Variants in PDGFD observed in about 807,000 individuals in gnomAD.
PDGFD encodes the protein platelet derived growth factor D.
In PDGFD, 30 loss-of-function variants were observed where a neutral mutation model predicts 44.7. That is an observed-to-expected ratio of 0.67 (90% confidence interval 0.50 to 0.91). The LOEUF (loss-of-function observed/expected upper bound fraction) is 0.91, where lower values mean the gene tolerates loss of function less well. PDGFD is among the 40% of genes least tolerant of loss of function. The pLI, the probability that PDGFD is intolerant of heterozygous loss-of-function variation, is 0.00. For missense variants in PDGFD, 445 were observed against 457.8 expected (o/e 0.97, Z 0.25); for synonymous variants, 173 against 168.4 (o/e 1.03, Z -0.21).
At chr11:104,135,640 C>T (rs144259248) in intron 1 of PDGFD, among the ~76,000 whole-genome samples, 86 of 152,176 alleles carry the variant, frequency 5.7e-4, no homozygotes, top group African/African-American at 1.7e-3. Context: ...CAAATTTCTA[C>T]CTACTCCTTG....
intron 1 of PDGFD, among the ~76,000 whole-genome samples, chr11:104,039,879 G>A (rs997739905): frequency 6.6e-6 from 1 of 151,844 alleles, no homozygotes; most frequent in Non-Finnish European, 1.5e-5. Flanking sequence ...GACTCCTCAG[G>A]GTGTCTGACC....
intron 1 of PDGFD, among the ~76,000 whole-genome samples, chr11:104,046,746 T>A (rs999697236): frequency 6.8e-6 from 1 of 147,200 alleles, no homozygotes; most frequent in East Asian, 2.0e-4. Flanking sequence ...TTATTATTAT[T>A]TTTTTATTAT....
intron 1 of PDGFD, among the ~76,000 whole-genome samples, chr11:104,078,530 G>A (rs1446848239): frequency 3.5e-5 from 2 of 57,022 alleles, no homozygotes; most frequent in Non-Finnish European, 6.0e-5. Context: ...TTAATGACAC[G>A]TTATATCTCA....
chr11:103,969,628 C>A (rs533004468), intron 3 of PDGFD, among the ~76,000 whole-genome samples: 27 of 151,832 alleles, frequency 1.8e-4, no homozygotes, highest in African/African-American at 6.3e-4. Context: ...TATGTTAGAG[C>A]TACTCCTTCA....
intron 6 of PDGFD, among the ~76,000 whole-genome samples, chr11:103,911,234 T>C (rs1367436727): frequency 6.6e-6 from 1 of 152,144 alleles, no homozygotes; most frequent in Non-Finnish European, 1.5e-5. Flanking sequence ...TGAGCTCTGA[T>C]AAGGGACAGG....
chr11:104,016,537 C>T (rs372158682), intron 1 of PDGFD, among the ~76,000 whole-genome samples: 12 of 152,166 alleles, frequency 7.9e-5, no homozygotes, highest in African/African-American at 2.4e-4. Flanking sequence ...AAGTTCTCCC[C>T]GAGCTGAGGC....
At chr11:104,003,791 C>T (rs1193871194) in intron 1 of PDGFD, among the ~76,000 whole-genome samples, 1 of 152,104 alleles carries the variant, frequency 6.6e-6, no homozygotes, top group Non-Finnish European at 1.5e-5. Flanking sequence ...CCTTGGGAAT[C>T]AGTGATCCCT....
chr11:103,910,668 G>A (rs959844128), intron 6 of PDGFD, among the ~76,000 whole-genome samples: 12 of 152,214 alleles, frequency 7.9e-5, no homozygotes, highest in African/African-American at 2.9e-4. Context: ...ACAAAACTGG[G>A]CGGCCATTTG....
intron 6 of PDGFD, among the ~76,000 whole-genome samples, chr11:103,924,794 C>T (rs554333042): frequency 9.2e-5 from 14 of 152,196 alleles, no homozygotes; most frequent in Admixed American, 7.9e-4. Flanking sequence ...CTACCTATTC[C>T]TTTGTTGTGG....
In PDGFD at chr11:104,037,348, C is replaced by T. The variant is rs1409705578; in HGVS notation, c.125-37093G>A. ...GGCGGAAGCCCTGCTCAGCGGAAGC[C>T]TTGAGACCTTTTCTCAGGTGCTGAT... On this transcript the variant is annotated intron_variant, in intron 1 of 6. Coordinates refer to ENST00000393158, the MANE Select transcript of PDGFD (RefSeq NM_025208.5). 3 of 1,614,022 alleles carry T rather than the reference C, an allele frequency of 1.9e-6. No individual in the cohort carries two copies. The African/African-American group carries it at 4.0e-5, about 22-fold the overall frequency.
At chr11:104,073,868 C>T (rs537196429) in intron 1 of PDGFD, among the ~76,000 whole-genome samples, 9 of 152,226 alleles carry the variant, frequency 5.9e-5, no homozygotes, top group African/African-American at 1.4e-4. Flanking sequence ...TCTTTGCAAA[C>T]GAGTTATTTT....
At chr11:104,099,849 A>G (rs1565334580) in intron 1 of PDGFD, among the ~76,000 whole-genome samples, 1 of 152,038 alleles carries the variant, frequency 6.6e-6, no homozygotes, top group Non-Finnish European at 1.5e-5. Flanking sequence ...TAACGTAGAT[A>G]TCACCCTTCA....
intron 3 of PDGFD, among the ~76,000 whole-genome samples, chr11:103,992,620 T>C (rs922498700): frequency 3.3e-5 from 5 of 152,234 alleles, no homozygotes; most frequent in African/African-American, 7.2e-5. Context: ...TATGCTGCCA[T>C]GCCCTGGGTG....
At chr11:104,030,605 C>T (rs1313910575) in intron 1 of PDGFD, among the ~76,000 whole-genome samples, 1 of 152,204 alleles carries the variant, frequency 6.6e-6, no homozygotes, top group Non-Finnish European at 1.5e-5. Context: ...GAAGCTCAGA[C>T]TACTATTCCT....
At chr11:103,930,018 C>T (rs539094678) in intron 5 of PDGFD, among the ~76,000 whole-genome samples, 60 of 152,142 alleles carry the variant, frequency 3.9e-4, no homozygotes, top group Non-Finnish European at 6.3e-4. Flanking sequence ...TTCAAGGGCC[C>T]GCTAATTTCA....
intron 1 of PDGFD, among the ~76,000 whole-genome samples, chr11:104,063,654 C>A (rs1182053912): frequency 1.3e-5 from 2 of 152,096 alleles, no homozygotes; most frequent in African/African-American, 4.8e-5. Flanking sequence ...AGGAAACTTA[C>A]AATCATGACA....
chr11:103,999,304 A>T (rs1859583956), intron 2 of PDGFD, among the ~76,000 whole-genome samples: 1 of 149,604 alleles, frequency 6.7e-6, no homozygotes, highest in Non-Finnish European at 1.5e-5. Flanking sequence ...TGTGCAGTAA[A>T]GTACAAAAAA....
chr11:103,925,084 T>C (rs149611008), intron 6 of PDGFD, among the ~76,000 whole-genome samples: 108 of 152,284 alleles, frequency 7.1e-4, no homozygotes, highest in Non-Finnish European at 1.3e-3. Flanking sequence ...GTTAGTTTGC[T>C]GAGAATGATG....
intron 3 of PDGFD, among the ~76,000 whole-genome samples, chr11:103,991,818 A>T (rs1859457639): frequency 6.6e-6 from 1 of 152,238 alleles, no homozygotes; most frequent in South Asian, 2.1e-4. Flanking sequence ...AATCCTCAAA[A>T]CAACCTAATG....
Sources: gnomAD v4.1 joint callset for allele counts (sites outside exome capture counted in the v4.1 genomes callset) on GRCh38, gnomAD v4.1.1 for gene constraint, MANE v1.5 for transcripts, NCBI Gene and HGNC (gene_info 2026-07-23, HGNC 2026-07-21) for gene names.